ZNF407: variants seen among roughly 807,000 people sequenced by gnomAD.
ZNF407 encodes zinc finger protein 407.
In ZNF407, 17 loss-of-function variants were observed where a neutral mutation model predicts 131.2. That is an observed-to-expected ratio of 0.13 (90% CI 0.09 to 0.19). The LOEUF (loss-of-function observed/expected upper bound fraction) is 0.19. Among genes scored for constraint, ZNF407 ranks in the 10% least tolerant of loss-of-function variants. The pLI, the probability that ZNF407 is intolerant of heterozygous loss-of-function variation, is 1.00. For missense variants in ZNF407, 2,681 were observed against 2,830.6 expected (o/e 0.95, Z 1.20); for synonymous variants, 1,156 against 1,062.0 (o/e 1.09, Z -1.72).
intron 4 of ZNF407, among the ~76,000 whole-genome samples, chr18:74,817,161 G>T (rs372516279): frequency 6.6e-6 from 1 of 152,122 alleles, no homozygotes; most frequent in African/African-American, 2.4e-5. Context: ...ATATCATGCT[G>T]GTTTTATAGG....
chr18:75,064,609 C>T lies in ZNF407; in HGVS notation c.*141C>T, dbSNP rs1429978881. On this transcript the variant is annotated 3_prime_UTR_variant, in exon 9 of 9. Coordinates refer to ENST00000299687, the MANE Select transcript of ZNF407 (RefSeq NM_017757.3). Reference sequence around the variant, plus strand: ...GTGAGCTCTGAGCATGCCCTCCCAGCGAGAGTCACACTGGCCACCAGCCAG... The same window carrying T: ...GTGAGCTCTGAGCATGCCCTCCCAGTGAGAGTCACACTGGCCACCAGCCAG... 15 of 777,266 alleles carry T rather than the reference C, an allele frequency of 1.9e-5. No individual in the cohort carries two copies. Among genetic ancestry groups the T allele is most frequent in the South Asian group, 1.9e-4 (6 of 32,088 alleles). The allele number at this position is 777,266 out of a possible 1,614,324, so 48.1% of individuals were successfully genotyped here.
chr18:74,674,256 A>G (rs1260220770), intron 3 of ZNF407, among the ~76,000 whole-genome samples: 1 of 152,118 alleles, frequency 6.6e-6, no homozygotes, highest in East Asian at 1.9e-4. Flanking sequence ...GCTGGAGCAT[A>G]TGGCTGTGGT....
At chr18:74,616,947 C>G (rs1983323856) in intron 1 of ZNF407, among the ~76,000 whole-genome samples, 1,477 of 37,006 alleles carry the variant, frequency 0.04, 67 homozygotes, top group Non-Finnish European at 0.051. Flanking sequence ...TATCCACACA[C>G]CACACGCATC....
intron 4 of ZNF407, among the ~76,000 whole-genome samples, chr18:74,803,440 G>A (rs1422856789): frequency 6.6e-6 from 1 of 152,172 alleles, no homozygotes; most frequent in African/African-American, 2.4e-5. Flanking sequence ...TTATCAATGG[G>A]CATCTAGAAT....
rs34750560 is a variant in ZNF407 at position 74,755,885 on chromosome 18, C to CTTTTTTTTT, written c.4803-25525_4803-25517dup. Among the ~76,000 whole-genome samples the CTTTTTTTTT allele has an allele frequency of 1.9e-4, 5 of 25,822 alleles. 2 individuals are homozygous for CTTTTTTTTT. Among genetic ancestry groups the CTTTTTTTTT allele is most frequent in the African/African-American group, 6.0e-4 (3 of 4,990 alleles). 16.9% of individuals were successfully genotyped at this position (25,822 alleles called of 152,430 possible). A position where few individuals can be genotyped will look rare whatever the true frequency, so the allele number is the denominator to read the frequency against. On this transcript the variant is annotated intron_variant, in intron 3 of 8. Coordinates refer to ENST00000299687, the MANE Select transcript of ZNF407 (RefSeq NM_017757.3). ...CCTTCCTTCCTTCCTCTTTTCCTTC[C>CTTTTTTTTT]TTTTTTTTTTTTTTTTTTTTTTTTT...
intron 4 of ZNF407, among the ~76,000 whole-genome samples, chr18:74,852,075 C>G (rs1409611259): frequency 6.6e-6 from 1 of 152,106 alleles, no homozygotes; most frequent in Non-Finnish European, 1.5e-5. Flanking sequence ...CATGGACAGG[C>G]GCCTACCGCG....
At chr18:74,769,939 G>T (rs912939835) in intron 3 of ZNF407, among the ~76,000 whole-genome samples, 5 of 152,222 alleles carry the variant, frequency 3.3e-5, no homozygotes, top group African/African-American at 1.2e-4. Flanking sequence ...GACAGTTGAG[G>T]GGTGAGTGTG....
intron 8 of ZNF407, among the ~76,000 whole-genome samples, chr18:75,057,896 G>A (rs1454581482): frequency 6.6e-6 from 1 of 152,056 alleles, no homozygotes; most frequent in East Asian, 1.9e-4. Context: ...AAGAGAGGGG[G>A]CCCTTGTTTT....
intron 7 of ZNF407, among the ~76,000 whole-genome samples, chr18:74,908,872 CT>C (rs928387927): frequency 2.6e-4 from 39 of 151,754 alleles, no homozygotes; most frequent in Admixed American, 5.9e-4. Context: ...CATTTTTTGT[CT>C]TTTTTTTAGG....
chr18:75,044,772 A>G (rs1465847097), intron 8 of ZNF407, among the ~76,000 whole-genome samples: 1 of 152,188 alleles, frequency 6.6e-6, no homozygotes, highest in Non-Finnish European at 1.5e-5. Flanking sequence ...GGTTTATTAA[A>G]AAACTATTCA....
chr18:74,731,726 G>T (rs1466067263), intron 3 of ZNF407, among the ~76,000 whole-genome samples: 2 of 152,126 alleles, frequency 1.3e-5, no homozygotes, highest in East Asian at 3.9e-4. Flanking sequence ...TGAGATAACA[G>T]AGTCATAGAG....
intron 8 of ZNF407, among the ~76,000 whole-genome samples, chr18:74,988,849 A>G (rs1972684792): frequency 1.3e-5 from 2 of 152,196 alleles, no homozygotes; most frequent in South Asian, 4.1e-4. Flanking sequence ...GTAGTCATCT[A>G]GAATTTTCAG....
At chr18:74,761,670 G>C (rs1232416637) in intron 3 of ZNF407, among the ~76,000 whole-genome samples, 1 of 152,158 alleles carries the variant, frequency 6.6e-6, no homozygotes, top group Middle Eastern at 3.4e-3. Flanking sequence ...ACCTTCATCA[G>C]CTCTATAGCC....
intron 7 of ZNF407, among the ~76,000 whole-genome samples, chr18:74,919,572 C>T (rs1359618842): frequency 6.6e-6 from 1 of 152,142 alleles, no homozygotes; most frequent in Admixed American, 6.5e-5. Context: ...TAATTTTGGT[C>T]TGTAGGAAGT....
rs17817969 is a variant in ZNF407, at chr18:74,632,282, C to T, written c.1263C>T (p.Leu421=). The part of the protein sequence containing the change: ...TSRPRPERNI[L]VLGNSFRRRS... ...GGCCAAGACCTGAGCGAAATATTCTCGTGTTGGGTAATAGCTTTCGTCGAC... is the reference window on the plus strand; with the variant it reads ...GGCCAAGACCTGAGCGAAATATTCTTGTGTTGGGTAATAGCTTTCGTCGAC... The change falls in exon 2 of 9, where the codon CTC becomes CTT. Residue 421 remains leucine, a synonymous_variant. Transcript: ENST00000299687. The T allele has an allele frequency of 0.12, 198,283 of 1,613,848 alleles. 13,438 individuals carry two copies. Among genetic ancestry groups the T allele is most frequent in the Non-Finnish European group, 0.14 (167,421 of 1,179,868 alleles).
intron 8 of ZNF407, among the ~76,000 whole-genome samples, chr18:74,985,390 G>A (rs955165456): frequency 2.0e-5 from 3 of 152,096 alleles, no homozygotes; most frequent in African/African-American, 4.8e-5. Flanking sequence ...ACTTCTTTTT[G>A]TTGATGTCGT....
chr18:75,002,541 G>C (rs565437190), intron 8 of ZNF407, among the ~76,000 whole-genome samples: 1 of 152,264 alleles, frequency 6.6e-6, no homozygotes, highest in East Asian at 1.9e-4. Flanking sequence ...GGTGGCTGAC[G>C]CCTGTAATCC....
At chr18:74,788,859 A>G (rs1437397106) in intron 4 of ZNF407, among the ~76,000 whole-genome samples, 2 of 150,342 alleles carry the variant, frequency 1.3e-5, no homozygotes, top group Non-Finnish European at 3.0e-5. Context: ...TGAATATTAT[A>G]TATTTTTTAT....
chr18:74,752,924 G>A (rs112406307), intron 3 of ZNF407, among the ~76,000 whole-genome samples: 1 of 152,012 alleles, frequency 6.6e-6, no homozygotes, highest in Non-Finnish European at 1.5e-5. Context: ...AGTCATTGGT[G>A]GCTTGATGGG....
Sources: gnomAD v4.1 joint callset for allele counts (sites outside exome capture counted in the v4.1 genomes callset) on GRCh38, gnomAD v4.1.1 for gene constraint, MANE v1.5 for transcripts, NCBI Gene and HGNC (gene_info 2026-07-23, HGNC 2026-07-21) for gene names.